Variants in GNB1 observed in about 807,000 individuals in gnomAD.
The protein encoded by GNB1 is guanine nucleotide-binding protein G(I)/G(S)/G(T) subunit beta-1.
Under a neutral mutation model 42.9 loss-of-function variants are expected in GNB1, and 2 were observed. The observed-to-expected ratio is 0.05, with a 90% CI of 0.02 to 0.15. The LOEUF (loss-of-function observed/expected upper bound fraction) is 0.15, where lower values mean the gene tolerates loss of function less well. GNB1 is among the 10% of genes least tolerant of loss of function. The pLI, the probability that GNB1 is intolerant of heterozygous loss-of-function variation, is 1.00. For missense variants in GNB1, 193 were observed against 462.2 expected (o/e 0.42, Z 5.34); for synonymous variants, 183 against 174.7 (o/e 1.05, Z -0.38).
At chr1:1,825,772 G>C (rs528436275) in intron 2 of GNB1, among the ~76,000 whole-genome samples, 1 of 152,170 alleles carries the variant, frequency 6.6e-6, no homozygotes, top group African/African-American at 2.4e-5. Flanking sequence ...GGCTGAGGCA[G>C]GAGAATGGCG....
In GNB1 at chr1:1,789,073, G is replaced by A. The variant is rs1646445742; in HGVS notation, c.896C>T (p.Ala299Val). Reference sequence around the variant, plus strand: ...CGTACCTGCCCGGTCGGCTTTGAGTGCATCCCAGACGTTGCAGTTGAAGTC... The same window carrying A: ...CGTACCTGCCCGGTCGGCTTTGAGTACATCCCAGACGTTGCAGTTGAAGTC... ...YDDFNCNVWD[A>V]LKADRAGVLA... is the part of the protein sequence containing the mutation. Residue 299 changes from alanine (A) to valine (V), a missense_variant, in exon 10 of 12, where the codon GCA (alanine) becomes GTA (valine). Coordinates refer to ENST00000378609, the MANE Select transcript of GNB1 (RefSeq NM_002074.5). 1.9e-6 allele frequency: 3 copies of A among 1,613,914 alleles called. No homozygotes were observed. The East Asian group carries it at 6.7e-5, about 36-fold the overall frequency.
chr1:1,861,150 T>C (rs551898948), intron 1 of GNB1, among the ~76,000 whole-genome samples: 1 of 150,336 alleles, frequency 6.7e-6, no homozygotes, highest in Non-Finnish European at 1.5e-5. Flanking sequence ...TCCCAATCTT[T>C]GTGTCTCAGA....
intron 1 of GNB1, among the ~76,000 whole-genome samples, chr1:1,844,352 C>T (rs1047198902): frequency 2.0e-5 from 3 of 150,230 alleles, no homozygotes; most frequent in Non-Finnish European, 4.4e-5. Context: ...GATTGCATCA[C>T]TGCACTCCAG....
At chr1:1,826,605 A>G (rs1445725538) in intron 2 of GNB1, among the ~76,000 whole-genome samples, 1 of 152,096 alleles carries the variant, frequency 6.6e-6, no homozygotes, top group African/African-American at 2.4e-5. Flanking sequence ...CTGAGCACAC[A>G]GGGTGTGTCC....
chr1:1,787,645 C>A lies in GNB1; in HGVS notation c.917-208G>T, dbSNP rs559302575. On this transcript the variant is annotated intron_variant, in intron 10 of 11. Coordinates refer to ENST00000378609, the MANE Select transcript of GNB1 (RefSeq NM_002074.5). The surrounding 1 kb of genome is among the most constrained non-coding windows in gnomAD (Gnocchi z 4.4). Reference sequence around the variant, plus strand: ...TTGTTAAAATTCAAAGACACGCACACACACGCAATCGATAAATCCAGAGCC... The same window carrying A: ...TTGTTAAAATTCAAAGACACGCACAAACACGCAATCGATAAATCCAGAGCC... Among the ~76,000 whole-genome samples the A allele has an allele frequency of 1.3e-5, 2 of 152,294 alleles. No individual in the cohort carries two copies. Among genetic ancestry groups the A allele is most frequent in the African/African-American group, 4.8e-5 (2 of 41,574 alleles).
chr1:1,805,952 C>T (rs1336985647), intron 6 of GNB1, among the ~76,000 whole-genome samples: 1 of 152,238 alleles, frequency 6.6e-6, no homozygotes, highest in East Asian at 1.9e-4. Context: ...CATTTATACA[C>T]ATTTAGTATT....
rs1403054575 is a variant in GNB1, at chr1:1,811,959, G to A, written c.203+3797C>T. 5.3e-5 allele frequency among the ~76,000 whole-genome samples: 8 copies of A among 151,786 alleles called. No individual in the cohort carries two copies. The East Asian group carries it at 1.6e-3, about 29-fold the overall frequency. On this transcript the variant is annotated intron_variant, in intron 5 of 11. Transcript: ENST00000378609. ...CAGGCGCCTATAGTCCCAGCTACTCGGGAGGCTGAGGCAGGAGAATGGCGT... is the reference window on the plus strand; with the variant it reads ...CAGGCGCCTATAGTCCCAGCTACTCAGGAGGCTGAGGCAGGAGAATGGCGT...
chr1:1,871,818 A>C (rs1649266129), intron 1 of GNB1, among the ~76,000 whole-genome samples: 1 of 150,014 alleles, frequency 6.7e-6, no homozygotes, highest in Non-Finnish European at 1.5e-5. Context: ...TCCTTTCCCT[A>C]CTCCCCTACA....
chr1:1,870,811 A>G (rs1205743827), intron 1 of GNB1, among the ~76,000 whole-genome samples: 1 of 152,066 alleles, frequency 6.6e-6, no homozygotes, highest in East Asian at 1.9e-4. Context: ...GGTGGCACAC[A>G]CCTGTCATCC....
chr1:1,805,734 G>A (rs1416779771), intron 6 of GNB1, among the ~76,000 whole-genome samples: 1 of 151,892 alleles, frequency 6.6e-6, no homozygotes, highest in Non-Finnish European at 1.5e-5. Context: ...TAGAGACGAG[G>A]TTTCACCATG....
At chr1:1,888,555 C>T (rs1011184739) in intron 1 of GNB1, among the ~76,000 whole-genome samples, 1 of 152,094 alleles carries the variant, frequency 6.6e-6, no homozygotes. Context: ...TCTGCCTTAC[C>T]GGCTGGGCGC....
chr1:1,846,127 A>AGG (rs1471483012), intron 1 of GNB1, among the ~76,000 whole-genome samples: 13 of 152,212 alleles, frequency 8.5e-5, no homozygotes, highest in Non-Finnish European at 1.5e-5. Flanking sequence ...GGACAATCTG[A>AGG]GGGTCAACAT....
chr1:1,816,260 C>G (rs1474237605), intron 4 of GNB1, among the ~76,000 whole-genome samples: 1 of 152,170 alleles, frequency 6.6e-6, no homozygotes, highest in African/African-American at 2.4e-5. Flanking sequence ...AATTTAATAG[C>G]TGGTTCCTAT....
chr1:1,791,715 A>G (rs543655507), intron 8 of GNB1, among the ~76,000 whole-genome samples: 11 of 152,344 alleles, frequency 7.2e-5, no homozygotes, highest in Admixed American at 2.0e-4. Context: ...CCAATCAGCC[A>G]ATCTCAACAG....
intron 1 of GNB1, among the ~76,000 whole-genome samples, chr1:1,870,100 A>G (rs931536023): frequency 4.6e-5 from 7 of 152,110 alleles, no homozygotes; most frequent in African/African-American, 1.4e-4. Flanking sequence ...ACCTCAAGTG[A>G]TCTGCCCGCC....
At chr1:1,798,598 G>A (rs1289641707) in intron 7 of GNB1, among the ~76,000 whole-genome samples, 5 of 152,316 alleles carry the variant, frequency 3.3e-5, no homozygotes, top group African/African-American at 1.2e-4. Context: ...TCCACTGCCC[G>A]AGAGGTATGC....
At chr1:1,845,995 A>T (rs1409404033) in intron 1 of GNB1, among the ~76,000 whole-genome samples, 1 of 126,980 alleles carries the variant, frequency 7.9e-6, no homozygotes, top group African/African-American at 2.4e-5. Context: ...TTCCTCTGAG[A>T]AATCACTCCC....
chr1:1,826,433 A>T (rs1364569894), intron 2 of GNB1, among the ~76,000 whole-genome samples: 1 of 152,118 alleles, frequency 6.6e-6, no homozygotes, highest in Non-Finnish European at 1.5e-5. Context: ...AAAAAAATAA[A>T]ACCTGACACT....
chr1:1,862,551 T>C (rs1648692728), intron 1 of GNB1, among the ~76,000 whole-genome samples: 1 of 151,818 alleles, frequency 6.6e-6, no homozygotes, highest in African/African-American at 2.4e-5. Flanking sequence ...AGACTTGACC[T>C]CCTGGGCTCA....
Sources: gnomAD v4.1 joint callset for allele counts (sites outside exome capture counted in the v4.1 genomes callset) on GRCh38, gnomAD v4.1.1 for gene constraint, Gnocchi (gnomAD v3.1) non-coding constraint, MANE v1.5 for transcripts, NCBI Gene and HGNC (gene_info 2026-07-23, HGNC 2026-07-21) for gene names.